Variants in ZFHX3 observed in about 807,000 individuals in gnomAD.
ZFHX3 encodes zinc finger homeobox protein 3.
In ZFHX3, 42 loss-of-function variants were observed where a neutral mutation model predicts 279.1. The ratio of observed to expected loss-of-function variants is 0.15; its 90% CI spans 0.12 to 0.19. The LOEUF is 0.19. Ranked by LOEUF, ZFHX3 falls within the 10% of genes least tolerant of loss-of-function variation. The probability of loss-of-function intolerance (pLI) is 1.00; values close to 1 mark genes in which losing one functional copy is unlikely to be tolerated. For missense variants in ZFHX3, 4,981 were observed against 4,754.0 expected, an observed-to-expected ratio of 1.05 and a Z score of -1.40; for synonymous variants, 2,293 against 1,957.8, an observed-to-expected ratio of 1.17 and a Z score of -4.52.
At chr16:73,086,440 A>T (rs529686639) in intron 8 of ZFHX3, among the ~76,000 whole-genome samples, 9 of 152,376 alleles carry the variant, frequency 5.9e-5, no homozygotes, top group African/African-American at 1.9e-4. Flanking sequence ...TCACAATAGC[A>T]AAGATATGGA....
intron 5 of ZFHX3, among the ~76,000 whole-genome samples, chr16:73,163,543 G>A (rs1459702710): frequency 1.3e-5 from 2 of 152,206 alleles, no homozygotes; most frequent in Non-Finnish European, 2.9e-5. Context: ...AGTATGGCCT[G>A]CAAAAACGAA....
At chr16:73,362,727 C>G (rs369870068) in intron 3 of ZFHX3, among the ~76,000 whole-genome samples, 1 of 152,330 alleles carries the variant, frequency 6.6e-6, no homozygotes, top group African/African-American at 2.4e-5. Flanking sequence ...AGTTATGAAG[C>G]CATCCTTATC....
At chr16:73,034,982 G>A (rs1416484805) in intron 1 of ZFHX3, among the ~76,000 whole-genome samples, 1 of 152,142 alleles carries the variant, frequency 6.6e-6, no homozygotes, top group East Asian at 1.9e-4. Context: ...GGCTGACTTG[G>A]CTCCATCAAC....
At chr16:73,058,235 G>A (rs1965607632) in intron 1 of ZFHX3, among the ~76,000 whole-genome samples, 1 of 145,608 alleles carries the variant, frequency 6.9e-6, no homozygotes, top group African/African-American at 2.5e-5. Flanking sequence ...GGGGCGGCCC[G>A]GGCTCGGCGG....
intron 7 of ZFHX3, among the ~76,000 whole-genome samples, chr16:72,801,982 G>A (rs533659015): frequency 1.3e-5 from 2 of 151,926 alleles, no homozygotes; most frequent in Admixed American, 1.3e-4. Context: ...GTCCTTTCCT[G>A]GGATCTTTAG....
At chr16:73,303,526 G>C (rs1359477751) in intron 4 of ZFHX3, among the ~76,000 whole-genome samples, 1 of 152,028 alleles carries the variant, frequency 6.6e-6, no homozygotes, top group African/African-American at 2.4e-5. Flanking sequence ...AAAACAGATG[G>C]AGCCAACGGC....
intron 2 of ZFHX3, among the ~76,000 whole-genome samples, chr16:73,626,109 G>A (rs1003579988): frequency 4.1e-4 from 62 of 152,230 alleles, no homozygotes; most frequent in African/African-American, 1.5e-3. Flanking sequence ...GCCCGCCTCG[G>A]CCTCCCAAAG....
In ZFHX3 at chr16:73,697,365, T is replaced by A. The variant is rs541423489; in HGVS notation, c.-1607-17125A>T. On this transcript the variant is annotated intron_variant, in intron 1 of 17. Coordinates refer to the ZFHX3 transcript ENST00000641206. ...TCATAAATTCAGGTATAAAGACAAA[T>A]GAATCACAGTTTCAAAACACAGATG... Among the ~76,000 whole-genome samples, 51 of 152,292 alleles carry A rather than the reference T, an allele frequency of 3.3e-4. 4 individuals are homozygous for A. The South Asian group carries it at 0.01, about 31-fold the overall frequency.
intron 4 of ZFHX3, among the ~76,000 whole-genome samples, chr16:72,881,383 T>A (rs935468557): frequency 8.1e-6 from 1 of 122,816 alleles, no homozygotes; most frequent in African/African-American, 2.8e-5. Flanking sequence ...TCGTCAATGT[T>A]TGAAAAAAAT....
intron 1 of ZFHX3, among the ~76,000 whole-genome samples, chr16:73,878,022 A>G (rs1480972428): frequency 6.6e-6 from 1 of 152,046 alleles, no homozygotes; most frequent in East Asian, 1.9e-4. Flanking sequence ...TATCTTCTCC[A>G]TACCATCATT....
At chr16:73,598,680 A>C (rs1238684608) in intron 2 of ZFHX3, among the ~76,000 whole-genome samples, 1 of 151,964 alleles carries the variant, frequency 6.6e-6, no homozygotes, top group Non-Finnish European at 1.5e-5. Context: ...TCAGACACCA[A>C]ATGTGTTGGG....
intron 1 of ZFHX3, among the ~76,000 whole-genome samples, chr16:73,842,760 C>T (rs947160350): frequency 1.3e-5 from 2 of 152,160 alleles, no homozygotes; most frequent in African/African-American, 4.8e-5. Flanking sequence ...AGGGGCTGCG[C>T]AACCACCAGC....
At chr16:73,763,261 T>G (rs950580744) in intron 1 of ZFHX3, among the ~76,000 whole-genome samples, 1 of 152,164 alleles carries the variant, frequency 6.6e-6, no homozygotes, top group Admixed American at 6.6e-5. Context: ...TGACATCAAG[T>G]CTTACCAAAT....
Position 72,787,857 on chromosome 16 carries a change from G to A in ZFHX3, c.10419C>T (p.Gly3473=). ...YKLVCRKCQA[G]FSDEEAARSH... is the part of the protein sequence containing the mutation. ...TCCTCGCTGCCTCCTCGTCGCTGAAGCCCGCCTGGCACTTGCGGCAGACCA... is the reference window on the plus strand; with the variant it reads ...TCCTCGCTGCCTCCTCGTCGCTGAAACCCGCCTGGCACTTGCGGCAGACCA... The change falls in exon 10 of 10, where the codon GGC becomes GGT. Residue 3473 remains glycine, a synonymous_variant. Coordinates refer to ENST00000268489, the MANE Select transcript of ZFHX3 (RefSeq NM_006885.4). 1 of 1,613,966 alleles carries A rather than the reference G, an allele frequency of 6.2e-7. No individual in the cohort carries two copies. The highest frequency in any genetic ancestry group is 8.5e-7 in the Non-Finnish European group (1 of 1,179,992).
At chr16:73,811,281 A>G (rs1252221488) in intron 1 of ZFHX3, among the ~76,000 whole-genome samples, 1 of 152,130 alleles carries the variant, frequency 6.6e-6, no homozygotes, top group South Asian at 2.1e-4. Context: ...AGACATCTGT[A>G]TCTACCTTCG....
At chr16:73,719,225 A>G (rs1301973533) in intron 1 of ZFHX3, among the ~76,000 whole-genome samples, 1 of 152,194 alleles carries the variant, frequency 6.6e-6, no homozygotes, top group East Asian at 1.9e-4. Flanking sequence ...TATCCCACCC[A>G]GAGGAAGGTG....
intron 5 of ZFHX3, among the ~76,000 whole-genome samples, chr16:73,180,867 T>G (rs1447112923): frequency 1.3e-5 from 2 of 152,116 alleles, no homozygotes; most frequent in Non-Finnish European, 2.9e-5. Flanking sequence ...TTCACCATTT[T>G]GGTCAGGCTG....
At chr16:73,296,488 A>T (rs1021264461) in intron 4 of ZFHX3, among the ~76,000 whole-genome samples, 1 of 152,232 alleles carries the variant, frequency 6.6e-6, no homozygotes, top group African/African-American at 2.4e-5. Context: ...TGTGAATACA[A>T]TTAGAAAATT....
intron 3 of ZFHX3, among the ~76,000 whole-genome samples, chr16:73,326,223 T>C (rs544686221): frequency 6.6e-6 from 1 of 152,142 alleles, no homozygotes; most frequent in Non-Finnish European, 1.5e-5. Flanking sequence ...TAAAGAATAA[T>C]ATATCATATG....
Sources: gnomAD v4.1 joint callset for allele counts (sites outside exome capture counted in the v4.1 genomes callset) on GRCh38, gnomAD v4.1.1 for gene constraint, MANE v1.5 for transcripts, NCBI Gene and HGNC (gene_info 2026-07-23, HGNC 2026-07-21) for gene names.